The following IDNK variants were observed in gnomAD, a reference collection of about 807,000 sequenced individuals.
IDNK encodes IDNK gluconokinase.
In IDNK, 9 loss-of-function variants were observed where a neutral mutation model predicts 13.0. The observed-to-expected ratio is 0.69, with a 90% CI of 0.42 to 1.21. The LOEUF (loss-of-function observed/expected upper bound fraction) is 1.21. IDNK is among the 50% of genes most tolerant of loss of function. The pLI, the probability that IDNK is intolerant of heterozygous loss-of-function variation, is 0.00. For missense variants in IDNK, 210 were observed against 237.8 expected (o/e 0.88, Z 0.77); for synonymous variants, 92 against 94.9 (o/e 0.97, Z 0.18).
chr9:83,628,759 G>T, intron 2 of IDNK, 114 bp from the exon 3 acceptor site: 1 of 738,768 alleles, frequency 1.4e-6, no homozygotes. Flanking sequence ...CCTTGGGGTT[G>T]ATGGGAACCA....
At chr9:83,629,037 T>C in intron 3 of IDNK, 78 bp downstream of exon 3, 1 of 1,148,836 alleles carries the variant, frequency 8.7e-7, no homozygotes, top group Non-Finnish European at 1.3e-6. Flanking sequence ...CTTGCTGTAG[T>C]AGAGTTCGTG....
At chr9:83,626,883 T>C in intron 1 of IDNK, 1 of 1,077,746 alleles carries the variant, frequency 9.3e-7, no homozygotes, top group Non-Finnish European at 1.1e-6. Flanking sequence ...TTTGGTTACA[T>C]CCAGGAGCAG....
rs879416995 is a variant in IDNK at position 83,624,712 on chromosome 9, T to TG, written c.50+1491_50+1492insG. Among the ~76,000 whole-genome samples the TG allele has an allele frequency of 4.3e-3, 651 of 151,492 alleles. 10 individuals carry two copies. The highest frequency in any genetic ancestry group is 0.015 in the African/African-American group (615 of 41,242). The stretch of plus-strand genomic sequence containing the variant: ...CTGAGGCTTAGCTTCTTTTGTTTTT[T>TG]TTTTGTTTTGTTTTGTTTGAGGCGG... On this transcript the variant is annotated intron_variant, in intron 1 of 4. Coordinates refer to ENST00000376419, the MANE Select transcript of IDNK (RefSeq NM_001001551.4).
At chr9:83,632,265 CTT>C (rs1268705613) in intron 3 of IDNK, among the ~76,000 whole-genome samples, 1 of 152,170 alleles carries the variant, frequency 6.6e-6, no homozygotes, top group Non-Finnish European at 1.5e-5. Flanking sequence ...TCTGTTCTCT[CTT>C]TACCCATCAT....
At chr9:83,635,098 T>G (rs556356216) in intron 3 of IDNK, among the ~76,000 whole-genome samples, 1 of 152,310 alleles carries the variant, frequency 6.6e-6, no homozygotes, top group South Asian at 2.1e-4. Flanking sequence ...GGGGTGCACC[T>G]TGGAAAAGGC....
intron 3 of IDNK, among the ~76,000 whole-genome samples, chr9:83,629,757 G>C (rs1031185006): frequency 6.6e-6 from 1 of 152,228 alleles, no homozygotes; most frequent in African/African-American, 2.4e-5. Flanking sequence ...GTTTGTCTCT[G>C]CAACTAGACT....
chr9:83,623,234 G>A lies in IDNK; in HGVS notation c.50+13G>A, dbSNP rs1056699374. 3.2e-5 allele frequency: 45 copies of A among 1,393,334 alleles called. No homozygotes were observed. The African/African-American group carries it at 6.1e-4, about 19-fold the overall frequency. 86.3% of individuals were successfully genotyped at this position (1,393,334 alleles called of 1,614,324 possible). A position where few individuals can be genotyped will look rare whatever the true frequency, so the allele number is the denominator to read the frequency against. ...GCGGCTCGGGGAAGTAGGTCCGGGAGAGGGCGGGGGGCGCCCGGGACAAGT... is the reference window on the plus strand; with the variant it reads ...GCGGCTCGGGGAAGTAGGTCCGGGAAAGGGCGGGGGGCGCCCGGGACAAGT... On this transcript the variant is annotated intron_variant, in intron 1 of 4. Transcript: ENST00000376419.
chr9:83,627,951 T>C, intron 1 of IDNK: 2 of 1,233,140 alleles, frequency 1.6e-6, no homozygotes, highest in East Asian at 3.1e-5. Flanking sequence ...ATATTGCCTT[T>C]AGAGAAAGAA....
intron 1 of IDNK, chr9:83,626,416 GT>G (rs1275145916): frequency 6.7e-6 from 2 of 297,360 alleles, no homozygotes; most frequent in Non-Finnish European, 1.3e-5. Flanking sequence ...TTGTTTTTTT[GT>G]TTTTTGTTTT....
At chr9:83,623,247 G>A in intron 1 of IDNK, 26 bp downstream of exon 1, 1 of 1,382,198 alleles carries the variant, frequency 7.2e-7, no homozygotes, top group Non-Finnish European at 9.4e-7. Context: ...GGCGGGGGGC[G>A]CCCGGGACAA....
chr9:83,628,335 TTTTG>T (rs1830918057), intron 2 of IDNK, 124 bp downstream of exon 2: 8 of 882,546 alleles, frequency 9.1e-6, no homozygotes, highest in East Asian at 2.7e-5. Flanking sequence ...ACTGGAGCAA[TTTTG>T]TTTTTCTCCT....
At chr9:83,641,818 G>A (rs1483192394) in intron 4 of IDNK, among the ~76,000 whole-genome samples, 1 of 152,228 alleles carries the variant, frequency 6.6e-6, no homozygotes, top group Non-Finnish European at 1.5e-5. Flanking sequence ...GCTCCACACA[G>A]TTACTAGCTA....
At chr9:83,638,605 A>G (rs1452585380) in intron 3 of IDNK, among the ~76,000 whole-genome samples, 1 of 152,228 alleles carries the variant, frequency 6.6e-6, no homozygotes, top group Non-Finnish European at 1.5e-5. Context: ...ATAAAACTGC[A>G]AAGCCGCTCA....
At position 83,643,768 on chromosome 9, in the gene IDNK, A is replaced by T. The variant is rs1461925212; in HGVS notation, c.552A>T (p.Leu184=). ...SEIIATIMET[L]KMK is the part of the protein sequence containing the mutation. ...TAATTGCTACAATTATGGAAACCCT[A>T]AAAATGAAATGACAATGATTTTGTA... Residue 184 remains leucine, a synonymous_variant, in exon 5 of 5, where the codon CTA becomes CTT. Coordinates refer to ENST00000376419, the MANE Select transcript of IDNK (RefSeq NM_001001551.4). The T allele has an allele frequency of 6.2e-7, 1 of 1,605,614 alleles. No homozygotes were observed.
chr9:83,624,789 A>C (rs2780978), intron 1 of IDNK, among the ~76,000 whole-genome samples: 122,694 of 151,854 alleles, frequency 0.81, 49,966 homozygotes, highest in African/African-American at 0.9. Flanking sequence ...TCTTGGCTCA[A>C]TGCAACCTCC....
chr9:83,639,941 G>A (rs1043255850), intron 3 of IDNK, among the ~76,000 whole-genome samples: 1 of 152,198 alleles, frequency 6.6e-6, no homozygotes, highest in Non-Finnish European at 1.5e-5. Flanking sequence ...TGGAAGCTGG[G>A]CTGAAATGAG....
In IDNK at chr9:83,643,676, A is replaced by T. The variant is rs781341586; in HGVS notation, c.460A>T (p.Thr154Ser). The T allele has an allele frequency of 2.3e-5, 37 of 1,613,840 alleles. 1 individual carries two copies. In the South Asian group the frequency reaches 2.7e-4, roughly 12 times the overall value. The stretch of plus-strand genomic sequence containing the variant: ...TGAATTATTGCAGTCCCAGTTTGAG[A>T]CTCTGGAGCCCCCAGCAGCTCCAGA... ...PPELLQSQFE[T>S]LEPPAAPENF... is the part of the protein sequence containing the mutation. Residue 154 changes from threonine to serine, a missense_variant, in exon 5 of 5, where the codon ACT becomes TCT. By Grantham distance (58) the Thr-to-Ser change is moderately conservative. Coordinates refer to ENST00000376419, the MANE Select transcript of IDNK (RefSeq NM_001001551.4).
chr9:83,643,831 C>A lies in IDNK; in HGVS notation c.*51C>A. 2 of 1,360,604 alleles carry A rather than the reference C, an allele frequency of 1.5e-6. No homozygotes were observed. The highest frequency in any genetic ancestry group is 2.0e-6 in the Non-Finnish European group (2 of 982,038). 84.3% of individuals were successfully genotyped at this position (1,360,604 alleles called of 1,614,324 possible). A position where few individuals can be genotyped will look rare whatever the true frequency, so the allele number is the denominator to read the frequency against. On this transcript the variant is annotated 3_prime_UTR_variant, in exon 5 of 5. Transcript: ENST00000376419. ...ACAGAACTAAGCATAAATCATTGTGCCATCCCAAACCTCGTTCCAGCCGCC... is the reference window on the plus strand; with the variant it reads ...ACAGAACTAAGCATAAATCATTGTGACATCCCAAACCTCGTTCCAGCCGCC...
intron 3 of IDNK, among the ~76,000 whole-genome samples, chr9:83,632,198 C>T (rs1341975598): frequency 1.3e-5 from 2 of 152,050 alleles, no homozygotes; most frequent in Non-Finnish European, 1.5e-5. Flanking sequence ...CCCATCTCCC[C>T]GCCATTCCCA....
Sources: allele counts gnomAD v4.1 joint callset (sites outside exome capture counted in the v4.1 genomes callset), GRCh38; gene constraint gnomAD v4.1.1; transcripts MANE v1.5; gene names NCBI Gene and HGNC (gene_info 2026-07-23, HGNC 2026-07-21).